Variants in ZNF440 observed in about 807,000 individuals in gnomAD.
The protein encoded by ZNF440 is zinc finger protein 440.
In ZNF440, 47 loss-of-function variants were observed where a neutral mutation model predicts 49.7. The ratio of observed to expected loss-of-function variants is 0.95; its 90% CI spans 0.75 to 1.21. The LOEUF (loss-of-function observed/expected upper bound fraction) is 1.21, where lower values mean the gene tolerates loss of function less well. Ranked by LOEUF, ZNF440 falls within the 50% of genes most tolerant of loss-of-function variation. The pLI, the probability that ZNF440 is intolerant of heterozygous loss-of-function variation, is 0.00. For missense variants in ZNF440, 703 were observed against 715.0 expected (o/e 0.98, Z 0.19); for synonymous variants, 255 against 237.7 (o/e 1.07, Z -0.67).
chr19:11,820,971 T>C (rs1171170675), intron 1 of ZNF440, among the ~76,000 whole-genome samples: 1 of 151,914 alleles, frequency 6.6e-6, no homozygotes, highest in Non-Finnish European at 1.5e-5. Context: ...TGGTGGGAAA[T>C]AGTCAATTAG....
At chr19:11,821,154 C>G (rs944028616) in intron 1 of ZNF440, among the ~76,000 whole-genome samples, 1 of 152,200 alleles carries the variant, frequency 6.6e-6, no homozygotes, top group Non-Finnish European at 1.5e-5. Flanking sequence ...CTTCAGCGCA[C>G]TCTCCTATGT....
At chr19:11,822,822 G>A (rs975121626) in intron 1 of ZNF440, among the ~76,000 whole-genome samples, 1 of 122,720 alleles carries the variant, frequency 8.1e-6, no homozygotes, top group African/African-American at 3.2e-5. Context: ...TCTCCAGCCT[G>A]GGCAACAAGA....
Position 11,832,882 on chromosome 19 carries a change from G to A in ZNF440, c.1706G>A (p.Ser569Asn), listed in dbSNP as rs400106. 0.93 allele frequency: 1,508,032 copies of A among 1,613,764 alleles called. 705,133 individuals carry two copies. Among genetic ancestry groups the A allele is most frequent in the East Asian group, 1 (44,866 of 44,874 alleles). ...GTGGTAGGACACACAATGGAGAGAAGCCCTATGCATGTAAGGAATGTGGGA... is the reference window on the plus strand; with the variant it reads ...GTGGTAGGACACACAATGGAGAGAAACCCTATGCATGTAAGGAATGTGGGA... ...EYVVGHTMER[S>N]PMHVRNVGNP... Residue 569 changes from serine to asparagine, a missense_variant, in exon 4 of 4, where the codon AGC becomes AAC. Transcript: ENST00000304060.
chr19:11,825,894 C>A (rs1318864035), intron 1 of ZNF440, among the ~76,000 whole-genome samples: 3 of 150,578 alleles, frequency 2.0e-5, no homozygotes, highest in African/African-American at 7.4e-5. Flanking sequence ...TGGCTCACTG[C>A]ACCCTCCACC....
chr19:11,820,460 C>T (rs1456417331), intron 1 of ZNF440, among the ~76,000 whole-genome samples: 1 of 152,154 alleles, frequency 6.6e-6, no homozygotes, highest in Non-Finnish European at 1.5e-5. Flanking sequence ...CCTTGTGATC[C>T]GCCCGCCTCG....
At chr19:11,815,051 G>C (rs1295676998) in intron 1 of ZNF440, among the ~76,000 whole-genome samples, 1 of 152,062 alleles carries the variant, frequency 6.6e-6, no homozygotes, top group Non-Finnish European at 1.5e-5. Flanking sequence ...CGAGGCAGGC[G>C]GATCGCGAGG....
chr19:11,814,458 T>G lies in ZNF440; in HGVS notation c.3+8T>G. On this transcript the variant is annotated splice_region_variant and intron_variant, in intron 1 of 3. Coordinates refer to ENST00000304060, the MANE Select transcript of ZNF440 (RefSeq NM_152357.3). ...CCTGGAAGCCGAGAAATGGTGTGTG[T>G]GAGGGGGCTGGCGTCCGGGCGACTG... The G allele has an allele frequency of 6.5e-7, 1 of 1,532,746 alleles. No individual in the cohort carries two copies. The highest frequency in any genetic ancestry group is 8.8e-7 in the Non-Finnish European group (1 of 1,141,062). 94.9% of individuals were successfully genotyped at this position (1,532,746 alleles called of 1,614,324 possible). A position where few individuals can be genotyped will look rare whatever the true frequency, so the allele number is the denominator to read the frequency against.
chr19:11,830,587 A>T (rs1454836554), intron 2 of ZNF440, 30 bp from the exon 3 acceptor site: 1 of 1,612,278 alleles, frequency 6.2e-7, no homozygotes, highest in East Asian at 2.2e-5. Flanking sequence ...ATACTGCCTC[A>T]GGACTATTTT....
chr19:11,817,910 A>G (rs1203559663), intron 1 of ZNF440, among the ~76,000 whole-genome samples: 1 of 152,112 alleles, frequency 6.6e-6, no homozygotes, highest in Non-Finnish European at 1.5e-5. Context: ...GTGCATTAAA[A>G]CATAACTATA....
rs1568242765 is a variant in ZNF440 at position 11,830,321 on chromosome 19, C to T, written c.42C>T (p.Thr14=). The T allele has an allele frequency of 6.2e-7, 1 of 1,614,128 alleles. No individual in the cohort carries two copies. ...VAFKDVAVNF[T]QEEWALLDIS... Reference sequence around the variant, plus strand: ...TTAAGGATGTGGCTGTGAACTTCACCCAGGAGGAGTGGGCTTTGCTGGATA... The same window carrying T: ...TTAAGGATGTGGCTGTGAACTTCACTCAGGAGGAGTGGGCTTTGCTGGATA... Residue 14 remains threonine (T), a synonymous_variant, in exon 2 of 4, where the codon ACC becomes ACT. Coordinates refer to ENST00000304060, the MANE Select transcript of ZNF440 (RefSeq NM_152357.3).
At chr19:11,818,630 A>C (rs376667612) in intron 1 of ZNF440, among the ~76,000 whole-genome samples, 1 of 152,032 alleles carries the variant, frequency 6.6e-6, no homozygotes, top group Non-Finnish European at 1.5e-5. Flanking sequence ...GCTTACTGCA[A>C]CCTTGACCTC....
rs774790136 is a variant in ZNF440 at position 11,830,624 on chromosome 19, G to T, written c.138G>T (p.Arg46Ser). 1.9e-6 allele frequency: 3 copies of T among 1,613,764 alleles called. No individual in the cohort carries two copies. Among genetic ancestry groups the T allele is most frequent in the Admixed American group, 1.7e-5 (1 of 59,950 alleles). Residue 46 changes from arginine to serine, a missense_variant, in exon 3 of 4, where the codon AGG (arginine) becomes AGT (serine). Coordinates refer to ENST00000304060, the MANE Select transcript of ZNF440 (RefSeq NM_152357.3). ...TFRNLTSLGK[R>S]WKDQNIEYEH... The stretch of plus-strand genomic sequence containing the variant: ...TCTGTGTCTGTATTTTAGGAAAAAG[G>T]TGGAAAGACCAGAACATTGAATATG...
chr19:11,832,011 A>C lies in ZNF440; in HGVS notation c.835A>C (p.Met279Leu). 6.2e-7 allele frequency: 1 copy of C among 1,614,144 alleles called. No individual in the cohort carries two copies. The highest frequency in any genetic ancestry group is 8.5e-7 in the Non-Finnish European group (1 of 1,180,010). Residue 279 changes from methionine (M) to leucine (L), a missense_variant, in exon 4 of 4, where the codon ATG becomes CTG. Met to Leu is a conservative substitution (Grantham distance 15). Coordinates refer to ENST00000304060, the MANE Select transcript of ZNF440 (RefSeq NM_152357.3). ...RSYRRHERIH[M>L]GEKAYQCKEC... is the part of the protein sequence containing the mutation. ...CTATCGTAGACATGAAAGGATTCACATGGGAGAAAAGGCTTATCAATGTAA... is the reference window on the plus strand; with the variant it reads ...CTATCGTAGACATGAAAGGATTCACCTGGGAGAAAAGGCTTATCAATGTAA...
At chr19:11,824,455 C>G (rs553687078) in intron 1 of ZNF440, among the ~76,000 whole-genome samples, 5 of 152,152 alleles carry the variant, frequency 3.3e-5, no homozygotes, top group African/African-American at 1.2e-4. Flanking sequence ...ACTTTCTCAA[C>G]CTGGGTATGC....
chr19:11,826,320 AT>A (rs34745315), intron 1 of ZNF440, among the ~76,000 whole-genome samples: 17,572 of 146,448 alleles, frequency 0.12, 1,795 homozygotes, highest in African/African-American at 0.27. Context: ...GACCTTATCT[AT>A]TTTTTTTTTT....
intron 1 of ZNF440, among the ~76,000 whole-genome samples, chr19:11,825,880 A>G (rs1975859222): frequency 6.8e-6 from 1 of 146,512 alleles, no homozygotes; most frequent in Non-Finnish European, 1.5e-5. Context: ...CATTGGTGCA[A>G]TCTTGGCTCA....
rs753008670 is a variant in ZNF440 at position 11,832,650 on chromosome 19, T to A, written c.1474T>A (p.Ser492Thr). The change falls in exon 4 of 4, where the codon TCA (serine) becomes ACA (threonine). Residue 492 changes from serine (S) to threonine (T), a missense_variant. By Grantham distance (58) the Ser-to-Thr change is moderately conservative. Coordinates refer to ENST00000304060, the MANE Select transcript of ZNF440 (RefSeq NM_152357.3). Reference protein sequence around the residue: ...GEKLYECKQRSVVPSVVPVPF... With the variant: ...GEKLYECKQRTVVPSVVPVPF... ...GAAACTCTATGAATGCAAGCAACGT[T>A]CAGTAGTTCCTTCAGTAGTTCCAGT... The A allele has an allele frequency of 3.1e-6, 5 of 1,611,674 alleles. No homozygotes were observed. The East Asian group carries it at 1.1e-4, about 36-fold the overall frequency.
chr19:11,824,982 C>T (rs1229865879), intron 1 of ZNF440, among the ~76,000 whole-genome samples: 1 of 151,880 alleles, frequency 6.6e-6, no homozygotes, highest in Non-Finnish European at 1.5e-5. Context: ...GCTGGGATTA[C>T]AGGCGTGAGC....
chr19:11,815,231 C>T (rs570756784), intron 1 of ZNF440, among the ~76,000 whole-genome samples: 1 of 150,106 alleles, frequency 6.7e-6, no homozygotes, highest in Non-Finnish European at 1.5e-5. Flanking sequence ...GAGCCGAGAT[C>T]GCACCACTGT....
Sources: gnomAD v4.1 joint callset for allele counts (sites outside exome capture counted in the v4.1 genomes callset) on GRCh38, gnomAD v4.1.1 for gene constraint, MANE v1.5 for transcripts, NCBI Gene and HGNC (gene_info 2026-07-23, HGNC 2026-07-21) for gene names.